Variants in ZNF385B observed in about 807,000 individuals in gnomAD.
ZNF385B encodes the protein zinc finger protein 533.
In ZNF385B, 23 loss-of-function variants were observed where a neutral mutation model predicts 39.2. The ratio of observed to expected loss-of-function variants is 0.59; its 90% CI spans 0.42 to 0.83. ZNF385B has a LOEUF of 0.83. ZNF385B is among the 40% of genes least tolerant of loss of function. The pLI is 0.00. For synonymous variants in ZNF385B, 205 were observed against 222.6 expected (o/e 0.92, Z 0.70); for missense variants, 552 against 598.9 (o/e 0.92, Z 0.82).
chr2:179,635,152 AAAAG>A (rs1466878962), intron 3 of ZNF385B, among the ~76,000 whole-genome samples: 7 of 151,850 alleles, frequency 4.6e-5, no homozygotes, highest in Non-Finnish European at 8.8e-5. Context: ...AGAAAAAAAA[AAAAG>A]AAAGAAAGAA....
chr2:179,571,811 A>G (rs1363614334), intron 3 of ZNF385B, among the ~76,000 whole-genome samples: 1 of 152,032 alleles, frequency 6.6e-6, no homozygotes, highest in East Asian at 1.9e-4. Context: ...TCTTAGACAC[A>G]ACCCTCCTCT....
At chr2:179,738,825 C>T (rs918613200) in intron 3 of ZNF385B, among the ~76,000 whole-genome samples, 1 of 152,146 alleles carries the variant, frequency 6.6e-6, no homozygotes, top group African/African-American at 2.4e-5. Context: ...AATGTTCTCA[C>T]CAAGTCATTG....
intron 5 of ZNF385B, among the ~76,000 whole-genome samples, chr2:179,503,993 A>G (rs1202073697): frequency 6.7e-6 from 1 of 149,082 alleles, no homozygotes; most frequent in Non-Finnish European, 1.5e-5. Context: ...GTCATCTAGC[A>G]TTAGGTATAT....
intron 3 of ZNF385B, among the ~76,000 whole-genome samples, chr2:179,765,078 G>T (rs1246788778): frequency 6.6e-6 from 1 of 152,144 alleles, no homozygotes; most frequent in African/African-American, 2.4e-5. Context: ...TACAGATCTT[G>T]AAAATTGGAG....
chr2:179,568,603 G>A (rs997822539), intron 3 of ZNF385B, among the ~76,000 whole-genome samples: 2 of 152,208 alleles, frequency 1.3e-5, no homozygotes, highest in Non-Finnish European at 2.9e-5. Flanking sequence ...TATGAAGTTA[G>A]CAACATTTAA....
intron 3 of ZNF385B, among the ~76,000 whole-genome samples, chr2:179,649,263 T>C (rs1693003685): frequency 6.6e-6 from 1 of 152,208 alleles, no homozygotes; most frequent in Non-Finnish European, 1.5e-5. Context: ...TGGATAGGCA[T>C]GACAATGACA....
intron 4 of ZNF385B, among the ~76,000 whole-genome samples, chr2:179,543,285 TA>T (rs1331886556): frequency 6.6e-6 from 1 of 151,772 alleles, no homozygotes; most frequent in Non-Finnish European, 1.5e-5. Context: ...AATAAATAAA[TA>T]AAATAAAAAG....
chr2:179,697,798 A>C (rs1698881006), intron 3 of ZNF385B, among the ~76,000 whole-genome samples: 1 of 152,202 alleles, frequency 6.6e-6, no homozygotes, highest in African/African-American at 2.4e-5. Flanking sequence ...ATTAAAAAGA[A>C]CATGCTTGAT....
At chr2:179,748,595 T>C (rs1351721650) in intron 3 of ZNF385B, among the ~76,000 whole-genome samples, 1 of 152,136 alleles carries the variant, frequency 6.6e-6, no homozygotes, top group Non-Finnish European at 1.5e-5. Context: ...CTACTTGCAA[T>C]AGAGGTTCTT....
intron 3 of ZNF385B, among the ~76,000 whole-genome samples, chr2:179,620,950 A>G (rs942380577): frequency 1.3e-5 from 2 of 152,162 alleles, no homozygotes; most frequent in Admixed American, 1.3e-4. Context: ...TGAGGACTAG[A>G]TACTGTCCTT....
chr2:179,542,214 AACTC>A lies in ZNF385B; in HGVS notation c.441+2609_441+2612del, dbSNP rs1316625946. ...AAGAATTAAGAGTAATTTAAATTGCAACTCACAGGGAAAAATCATAGGTCACCCA... is the reference window on the plus strand; with the variant it reads ...AAGAATTAAGAGTAATTTAAATTGCAACAGGGAAAAATCATAGGTCACCCA... On this transcript the variant is annotated intron_variant, in intron 4 of 9. Coordinates refer to ENST00000410066, the MANE Select transcript of ZNF385B (RefSeq NM_152520.6). Among the ~76,000 whole-genome samples the A allele has an allele frequency of 2.0e-5, 3 of 152,168 alleles. No individual in the cohort carries two copies. The East Asian group carries it at 5.8e-4, about 29-fold the overall frequency.
intron 3 of ZNF385B, among the ~76,000 whole-genome samples, chr2:179,734,199 A>C (rs900049660): frequency 5.9e-5 from 9 of 152,232 alleles, no homozygotes; most frequent in Non-Finnish European, 4.4e-5. Flanking sequence ...ATAACATTGC[A>C]ATAAAATCTT....
At chr2:179,729,734 G>A (rs1255792780) in intron 3 of ZNF385B, among the ~76,000 whole-genome samples, 2 of 152,146 alleles carry the variant, frequency 1.3e-5, no homozygotes, top group Non-Finnish European at 1.5e-5. Flanking sequence ...CCCATGTGTC[G>A]AGGCAGAGAC....
chr2:179,474,920 A>G lies in ZNF385B; in HGVS notation c.715+8352T>C, dbSNP rs2053235385. Among the ~76,000 whole-genome samples, 4 of 152,214 alleles carry G rather than the reference A, an allele frequency of 2.6e-5. No individual in the cohort carries two copies. The South Asian group carries it at 8.3e-4, about 32-fold the overall frequency. ...TCATTTCATTTGATCCATACAACATATCCATACTCCCTACTGCTGTGAAGT... is the reference window on the plus strand; with the variant it reads ...TCATTTCATTTGATCCATACAACATGTCCATACTCCCTACTGCTGTGAAGT... On this transcript the variant is annotated intron_variant, in intron 6 of 9. Transcript: ENST00000410066.
intron 1 of ZNF385B, among the ~76,000 whole-genome samples, chr2:179,776,081 T>C (rs1455284227): frequency 6.6e-6 from 1 of 152,224 alleles, no homozygotes; most frequent in Non-Finnish European, 1.5e-5. Flanking sequence ...AACTGGACTA[T>C]ATTGCATGAA....
At chr2:179,852,820 A>C (rs1470213525) in intron 1 of ZNF385B, among the ~76,000 whole-genome samples, 1 of 152,186 alleles carries the variant, frequency 6.6e-6, no homozygotes, top group Non-Finnish European at 1.5e-5. Context: ...AATTCCATGA[A>C]TCTGTATCTT....
chr2:179,796,590 G>T (rs183153215), intron 1 of ZNF385B, among the ~76,000 whole-genome samples: 1 of 152,182 alleles, frequency 6.6e-6, no homozygotes, highest in Non-Finnish European at 1.5e-5. Context: ...GAAACAGCTC[G>T]CCTCATTAAG....
At chr2:179,807,369 G>A (rs544476848) in intron 1 of ZNF385B, among the ~76,000 whole-genome samples, 80 of 152,268 alleles carry the variant, frequency 5.3e-4, no homozygotes, top group African/African-American at 1.8e-3. Flanking sequence ...AGGCCGAGGT[G>A]GGCAGATCAC....
chr2:179,652,527 A>G (rs996403670), intron 3 of ZNF385B, among the ~76,000 whole-genome samples: 5 of 152,148 alleles, frequency 3.3e-5, no homozygotes, highest in African/African-American at 1.2e-4. Flanking sequence ...TCGTCTGAGC[A>G]GCCAGGAAAT....
Sources: allele counts gnomAD v4.1 joint callset (sites outside exome capture counted in the v4.1 genomes callset), GRCh38; gene constraint gnomAD v4.1.1; transcripts MANE v1.5; gene names NCBI Gene and HGNC (gene_info 2026-07-23, HGNC 2026-07-21).